FBXL7: variants seen among roughly 807,000 people sequenced by gnomAD.
FBXL7 encodes the protein F-box/LRR-repeat protein 7.
In FBXL7, 12 loss-of-function variants were observed where a neutral mutation model predicts 38.3. The observed-to-expected ratio is 0.31, with a 90% confidence interval of 0.20 to 0.51. The LOEUF (loss-of-function observed/expected upper bound fraction) is 0.51, where lower values mean the gene tolerates loss of function less well. Among genes scored for constraint, FBXL7 ranks in the 20% least tolerant of loss-of-function variants. The probability of loss-of-function intolerance (pLI) is 0.98; values close to 1 mark genes in which losing one functional copy is unlikely to be tolerated. For synonymous variants in FBXL7, 297 were observed against 300.9 expected, an observed-to-expected ratio of 0.99 and a Z score of 0.13; for missense variants, 567 against 676.4, an observed-to-expected ratio of 0.84 and a Z score of 1.79.
intron 1 of FBXL7, among the ~76,000 whole-genome samples, chr5:15,530,400 C>A (rs1465988918): frequency 2.0e-5 from 3 of 152,072 alleles, no homozygotes; most frequent in Non-Finnish European, 4.4e-5. Context: ...AGGCTTAGTA[C>A]ATATTTGTCT....
chr5:15,805,430 A>G (rs974014413), intron 2 of FBXL7, among the ~76,000 whole-genome samples: 7 of 152,142 alleles, frequency 4.6e-5, no homozygotes, highest in Non-Finnish European at 8.8e-5. Context: ...GTGAATTTGG[A>G]GTTTATCTTA....
intron 2 of FBXL7, among the ~76,000 whole-genome samples, chr5:15,638,750 C>T (rs778408692): frequency 6.6e-5 from 10 of 152,120 alleles, no homozygotes; most frequent in Non-Finnish European, 1.2e-4. Context: ...ACCATCGGTC[C>T]GTATATCAAC....
chr5:15,916,383 T>C lies in FBXL7; in HGVS notation c.128-11507T>C, dbSNP rs576249377. The stretch of plus-strand genomic sequence containing the variant: ...GAGATGCAGAGATGGGGGAGCATGG[T>C]CTAGATTGAAAATCGAATTTGGGGA... On this transcript the variant is annotated intron_variant, in intron 2 of 3. Coordinates refer to ENST00000504595, the MANE Select transcript of FBXL7 (RefSeq NM_012304.5). 1.1e-4 allele frequency among the ~76,000 whole-genome samples: 16 copies of C among 152,256 alleles called. No homozygotes were observed. In the East Asian group the frequency reaches 3.1e-3, roughly 29 times the overall value.
At chr5:15,906,133 A>T (rs1300470005) in intron 2 of FBXL7, among the ~76,000 whole-genome samples, 5 of 152,160 alleles carry the variant, frequency 3.3e-5, no homozygotes, top group Non-Finnish European at 5.9e-5. Context: ...CCAACATATC[A>T]AATGTACACT....
At chr5:15,855,359 A>G (rs994428082) in intron 2 of FBXL7, among the ~76,000 whole-genome samples, 2 of 152,128 alleles carry the variant, frequency 1.3e-5, no homozygotes, top group Non-Finnish European at 2.9e-5. Flanking sequence ...GCATATATAT[A>G]TATAGAAATA....
intron 2 of FBXL7, among the ~76,000 whole-genome samples, chr5:15,634,236 T>C (rs971576087): frequency 3.3e-5 from 5 of 149,966 alleles, no homozygotes; most frequent in Non-Finnish European, 5.9e-5. Flanking sequence ...TGTGGGGAGG[T>C]GGGATGGGAG....
intron 2 of FBXL7, among the ~76,000 whole-genome samples, chr5:15,850,670 C>T (rs961741562): frequency 1.3e-5 from 2 of 152,196 alleles, no homozygotes; most frequent in Non-Finnish European, 2.9e-5. Flanking sequence ...TGCAGGGCAG[C>T]GCCCACTCAT....
chr5:15,684,514 T>C (rs776301586), intron 2 of FBXL7, among the ~76,000 whole-genome samples: 13 of 152,216 alleles, frequency 8.5e-5, no homozygotes, highest in Admixed American at 1.3e-4. Flanking sequence ...TCCTGCTTCC[T>C]AGAATATTTG....
intron 3 of FBXL7, among the ~76,000 whole-genome samples, chr5:15,932,043 G>A (rs1742050430): frequency 6.6e-6 from 1 of 152,090 alleles, no homozygotes; most frequent in Admixed American, 6.5e-5. Context: ...TTTCATTTTT[G>A]CACTTTTATG....
chr5:15,864,861 G>T (rs1739636857), intron 2 of FBXL7, among the ~76,000 whole-genome samples: 1 of 152,152 alleles, frequency 6.6e-6, no homozygotes, highest in African/African-American at 2.4e-5. Context: ...TTCCATTGCA[G>T]GGAAAAGAAT....
rs1742226305 is a variant in FBXL7, at chr5:15,937,355, CAAAG to C, written c.*173_*176del. The C allele has an allele frequency of 1.2e-6, 1 of 829,754 alleles. No individual in the cohort carries two copies. The highest frequency in any genetic ancestry group is 1.7e-5 in the African/African-American group (1 of 58,176). The allele number at this position is 829,754 out of a possible 1,614,324, so 51.4% of individuals were successfully genotyped here. On this transcript the variant is annotated 3_prime_UTR_variant, in exon 4 of 4. Coordinates refer to ENST00000504595, the MANE Select transcript of FBXL7 (RefSeq NM_012304.5). ...CTCATTTCTCATGGGCAACAGAGGC[CAAAG>C]AAACGAAGCAAGACAAACAGCAAAC...
At chr5:15,835,320 A>C (rs1008784045) in intron 2 of FBXL7, among the ~76,000 whole-genome samples, 1 of 152,246 alleles carries the variant, frequency 6.6e-6, no homozygotes, top group Non-Finnish European at 1.5e-5. Flanking sequence ...ATGCAAGAAG[A>C]AATTAAGAGA....
rs139397569 is a variant in FBXL7, at chr5:15,746,565, C to T, written c.127+130493C>T. Reference sequence around the variant, plus strand: ...CAGGAGTGAGGGATTTCTCTGTGGTCGCTAATCTCATTCATGAAGGCTCCA... The same window carrying T: ...CAGGAGTGAGGGATTTCTCTGTGGTTGCTAATCTCATTCATGAAGGCTCCA... On this transcript the variant is annotated intron_variant, in intron 2 of 3. Coordinates refer to ENST00000504595, the MANE Select transcript of FBXL7 (RefSeq NM_012304.5). 2.6e-5 allele frequency among the ~76,000 whole-genome samples: 4 copies of T among 152,026 alleles called. No individual in the cohort carries two copies. The East Asian group carries it at 7.8e-4, about 30-fold the overall frequency.
intron 2 of FBXL7, among the ~76,000 whole-genome samples, chr5:15,670,713 A>G (rs1034350507): frequency 4.6e-5 from 7 of 152,146 alleles, no homozygotes; most frequent in African/African-American, 1.7e-4. Flanking sequence ...AGACAGGAGA[A>G]TCGCTTGAAC....
At chr5:15,616,197 G>A (rs1740447075) in intron 2 of FBXL7, 125 bp downstream of exon 2, 2 of 575,922 alleles carry the variant, frequency 3.5e-6, no homozygotes, top group Non-Finnish European at 6.0e-6. Flanking sequence ...TCTTAAAAAT[G>A]AGGATGTTCA....
intron 1 of FBXL7, among the ~76,000 whole-genome samples, chr5:15,521,602 A>G (rs1737098151): frequency 6.6e-6 from 1 of 152,212 alleles, no homozygotes; most frequent in Non-Finnish European, 1.5e-5. Context: ...GGGAAACAGA[A>G]ACTTTAGCTG....
At chr5:15,610,813 A>G (rs1740208645) in intron 1 of FBXL7, among the ~76,000 whole-genome samples, 4 of 152,160 alleles carry the variant, frequency 2.6e-5, no homozygotes, top group Admixed American at 2.6e-4. Flanking sequence ...TAAGTACTCA[A>G]ACTGAATTAT....
At chr5:15,904,510 C>T (rs1200590040) in intron 2 of FBXL7, among the ~76,000 whole-genome samples, 1 of 151,918 alleles carries the variant, frequency 6.6e-6, no homozygotes, top group Non-Finnish European at 1.5e-5. Flanking sequence ...TTACACAATT[C>T]GAATCATAAG....
At chr5:15,502,627 A>C (rs1736528182) in intron 1 of FBXL7, among the ~76,000 whole-genome samples, 1 of 152,196 alleles carries the variant, frequency 6.6e-6, no homozygotes, top group Non-Finnish European at 1.5e-5. Context: ...AACTTTCTTC[A>C]AATGCATCGA....
Sources: gnomAD v4.1 joint callset for allele counts (sites outside exome capture counted in the v4.1 genomes callset) on GRCh38, gnomAD v4.1.1 for gene constraint, MANE v1.5 for transcripts, NCBI Gene and HGNC (gene_info 2026-07-23, HGNC 2026-07-21) for gene names.